DPPA2: variants seen among roughly 807,000 people sequenced by gnomAD.
DPPA2 encodes the protein developmental pluripotency associated 2, also known as developmental pluripotency-associated protein 2.
A neutral mutation model predicts 36.2 loss-of-function variants in DPPA2; 26 were observed. That is an observed-to-expected ratio of 0.72 (90% CI 0.53 to 1.00). The LOEUF is 1.00. DPPA2 is among the 50% of genes least tolerant of loss of function. DPPA2 has a pLI of 0.00. For missense variants in DPPA2, 361 were observed against 365.1 expected, an observed-to-expected ratio of 0.99 and a Z score of 0.09; for synonymous variants, 113 against 123.2, an observed-to-expected ratio of 0.92 and a Z score of 0.55.
chr3:109,299,865 C>A (rs1421597165), intron 8 of DPPA2, among the ~76,000 whole-genome samples: 2 of 151,392 alleles, frequency 1.3e-5, no homozygotes, highest in Admixed American at 6.6e-5. Context: ...AAGTGATCCT[C>A]CTGACTTAGC....
intron 3 of DPPA2, among the ~76,000 whole-genome samples, chr3:109,310,574 C>T (rs1707688509): frequency 6.6e-6 from 1 of 151,242 alleles, no homozygotes; most frequent in African/African-American, 2.4e-5. Context: ...GGCGCGATCT[C>T]AGCTCACTGC....
intron 8 of DPPA2, among the ~76,000 whole-genome samples, chr3:109,294,909 T>A (rs774878272): frequency 1.3e-5 from 2 of 151,996 alleles, no homozygotes; most frequent in Non-Finnish European, 2.9e-5. Flanking sequence ...TAATCCCAGC[T>A]ACTTAAGAGG....
At chr3:109,303,886 C>T (rs562897520) in intron 7 of DPPA2, among the ~76,000 whole-genome samples, 1 of 151,836 alleles carries the variant, frequency 6.6e-6, no homozygotes, top group African/African-American at 2.4e-5. Context: ...CCCTTAATAC[C>T]AGTACTTTGG....
intron 8 of DPPA2, among the ~76,000 whole-genome samples, chr3:109,298,808 G>C (rs1707405872): frequency 6.7e-6 from 1 of 150,330 alleles, no homozygotes. Flanking sequence ...CGAGTGGATT[G>C]CTTGAGCTCA....
chr3:109,313,459 A>G (rs930429672), intron 2 of DPPA2, among the ~76,000 whole-genome samples: 7 of 152,334 alleles, frequency 4.6e-5, no homozygotes, highest in Middle Eastern at 3.4e-3. Context: ...ATAAAAGATA[A>G]AGTAGAAAAG....
At chr3:109,298,843 C>A (rs537529793) in intron 8 of DPPA2, among the ~76,000 whole-genome samples, 17 of 150,704 alleles carry the variant, frequency 1.1e-4, no homozygotes, top group African/African-American at 4.2e-4. Context: ...TTGAACCAGG[C>A]TGTTCACCTG....
chr3:109,315,443 C>G (rs1026310775), intron 1 of DPPA2, among the ~76,000 whole-genome samples: 28 of 152,056 alleles, frequency 1.8e-4, no homozygotes, highest in African/African-American at 5.3e-4. Context: ...AACACCAAGG[C>G]AAGTGGTGGA....
At chr3:109,311,766 A>G (rs1466016851) in intron 3 of DPPA2, among the ~76,000 whole-genome samples, 2 of 152,122 alleles carry the variant, frequency 1.3e-5, no homozygotes, top group African/African-American at 2.4e-5. Context: ...AAAAAAAGAA[A>G]AAAAACACTT....
Position 109,314,472 on chromosome 3 carries a change from G to T in DPPA2, c.33+38C>A, listed in dbSNP as rs778287240. The T allele has an allele frequency of 4.2e-5, 68 of 1,600,710 alleles. 1 individual carries two copies. In the South Asian group the frequency reaches 7.3e-4, roughly 17 times the overall value. On this transcript the variant is annotated intron_variant, in intron 2 of 8. Coordinates refer to ENST00000478945, the MANE Select transcript of DPPA2 (RefSeq NM_138815.4). The stretch of plus-strand genomic sequence containing the variant: ...GAGACCTAGAAAGACTCTGAAAAGC[G>T]ACTGTGAGAAAAGTAATTCTATTAG...
At chr3:109,310,407 CAAAAAAAAAAAAA>C (rs147915128) in intron 3 of DPPA2, among the ~76,000 whole-genome samples, 4 of 63,460 alleles carry the variant, frequency 6.3e-5, no homozygotes, top group Non-Finnish European at 9.0e-5. Flanking sequence ...GACTCTGTCT[CAAAAAAAAAAAAA>C]AAAAAAAAAG....
rs767822288 is a variant in DPPA2, at chr3:109,308,015, T to C, written c.658+17A>G. 2 of 1,612,204 alleles carry C rather than the reference T, an allele frequency of 1.2e-6. No homozygotes were observed. The highest frequency in any genetic ancestry group is 1.7e-6 in the Non-Finnish European group (2 of 1,178,536). ...TTGTCCTCTGGAGTGGGACTCACAC[T>C]TTAAGGTTGATCTTACCAGAGGCTT... On this transcript the variant is annotated intron_variant, in intron 6 of 8. Transcript: ENST00000478945.
chr3:109,307,722 A>G (rs1707604913), intron 6 of DPPA2, among the ~76,000 whole-genome samples: 3 of 151,956 alleles, frequency 2.0e-5, no homozygotes, highest in Admixed American at 2.0e-4. Context: ...CCTCTTATTC[A>G]CTATGTCATA....
intron 3 of DPPA2, among the ~76,000 whole-genome samples, chr3:109,311,370 G>C (rs1707707104): frequency 6.6e-6 from 1 of 152,066 alleles, no homozygotes; most frequent in Non-Finnish European, 1.5e-5. Context: ...ACCTCACTCT[G>C]CTTAGCTCTA....
intron 7 of DPPA2, among the ~76,000 whole-genome samples, chr3:109,302,615 A>C (rs930853472): frequency 1.1e-4 from 16 of 151,950 alleles, no homozygotes; most frequent in Admixed American, 7.9e-4. Flanking sequence ...CACTACGCCC[A>C]GCTAATTTTT....
At position 109,309,049 on chromosome 3, in the gene DPPA2, G is replaced by A. The variant is rs1191842575; in HGVS notation, c.373C>T (p.His125Tyr). ...KIEVYLRLHRHAYPEQRQDMP... is the reference protein window; with the variant it reads ...KIEVYLRLHRYAYPEQRQDMP... The stretch of plus-strand genomic sequence containing the variant: ...ACTTGCCGTTGTTCAGGGTAAGCAT[G>A]CCTATGAAGCCTCAGATAAACTTCG... Residue 125 changes from histidine to tyrosine, a missense_variant, in exon 5 of 9, where the codon CAT (histidine) becomes TAT (tyrosine). By Grantham distance (83) the His-to-Tyr change is moderately conservative (BLOSUM62 2). Coordinates refer to ENST00000478945, the MANE Select transcript of DPPA2 (RefSeq NM_138815.4). 6.2e-7 allele frequency: 1 copy of A among 1,614,160 alleles called. No homozygotes were observed. The highest frequency in any genetic ancestry group is 1.7e-5 in the Admixed American group (1 of 59,998).
chr3:109,306,276 T>C lies in DPPA2; in HGVS notation c.659-1606A>G, dbSNP rs572132192. ...GGATAATAGTAACTCATACAGCATATTATTAAAAATTAGAAAGAGGTGTCC... is the reference window on the plus strand; with the variant it reads ...GGATAATAGTAACTCATACAGCATACTATTAAAAATTAGAAAGAGGTGTCC... On this transcript the variant is annotated intron_variant, in intron 6 of 8. Transcript: ENST00000478945. 5.3e-5 allele frequency among the ~76,000 whole-genome samples: 8 copies of C among 152,318 alleles called. No homozygotes were observed. The South Asian group carries it at 1.7e-3, about 32-fold the overall frequency.
At chr3:109,312,801 G>A in intron 2 of DPPA2, 109 bp from the exon 3 acceptor site, 1 of 1,307,990 alleles carries the variant, frequency 7.6e-7, no homozygotes, top group Non-Finnish European at 1.0e-6. Flanking sequence ...TAGGTGGATG[G>A]AGAAAAGAAT....
At chr3:109,309,449 A>G in intron 3 of DPPA2, 119 bp from the exon 4 acceptor site, 1 of 1,005,390 alleles carries the variant, frequency 9.9e-7, no homozygotes, top group Non-Finnish European at 1.5e-6. Flanking sequence ...GCACTTTGGG[A>G]GGCCGAGGTA....
At chr3:109,311,547 C>T (rs1707709750) in intron 3 of DPPA2, among the ~76,000 whole-genome samples, 1 of 152,098 alleles carries the variant, frequency 6.6e-6, no homozygotes, top group Non-Finnish European at 1.5e-5. Context: ...TGAGACCAGC[C>T]TGGACAACGT....
Sources: allele counts gnomAD v4.1 joint callset (sites outside exome capture counted in the v4.1 genomes callset), GRCh38; gene constraint gnomAD v4.1.1; transcripts MANE v1.5; gene names NCBI Gene and HGNC (gene_info 2026-07-23, HGNC 2026-07-21).